BAIAP2: variants seen among roughly 807,000 people sequenced by gnomAD.
BAIAP2 encodes the protein BAR/IMD domain-containing adapter protein 2.
A neutral mutation model predicts 63.0 loss-of-function variants in BAIAP2; 18 were observed. That is an observed-to-expected ratio of 0.29 (90% CI 0.20 to 0.42). The LOEUF is 0.42. Ranked by LOEUF, BAIAP2 falls within the 10% of genes least tolerant of loss-of-function variation. The pLI is 1.00. For missense variants in BAIAP2, 610 were observed against 734.3 expected, an observed-to-expected ratio of 0.83 and a Z score of 1.96; for synonymous variants, 386 against 307.6, an observed-to-expected ratio of 1.25 and a Z score of -2.67.
rs141445738 is a variant in BAIAP2, at chr17:81,100,062, C to T, written c.624C>T (p.Ser208=). 261 of 1,611,188 alleles carry T rather than the reference C, an allele frequency of 1.6e-4. 1 individual carries two copies. In the African/African-American group the frequency reaches 2.6e-3, roughly 16 times the overall value. The change falls in exon 7 of 14, where the codon TCC becomes TCT. Residue 208 remains serine, a synonymous_variant. Coordinates refer to ENST00000428708, the MANE Select transcript of BAIAP2 (RefSeq NM_001144888.2). ...VEKQCAVAKN[S]AAYHSKGKEL... Reference sequence around the variant, plus strand: ...AGCAGTGCGCCGTGGCCAAGAACTCCGCGGCCTACCACTCCAAGGTGAGGC... The same window carrying T: ...AGCAGTGCGCCGTGGCCAAGAACTCTGCGGCCTACCACTCCAAGGTGAGGC...
intron 7 of BAIAP2, among the ~76,000 whole-genome samples, chr17:81,103,152 CTTCCTGG>C (rs2058716890): frequency 6.6e-6 from 1 of 152,224 alleles, no homozygotes; most frequent in Non-Finnish European, 1.5e-5. Flanking sequence ...TCTGGGGCGC[CTTCCTGG>C]CACTTTGGGG....
intron 3 of BAIAP2, among the ~76,000 whole-genome samples, chr17:81,064,105 T>A (rs1310567388): frequency 6.6e-6 from 1 of 152,262 alleles, no homozygotes; most frequent in Non-Finnish European, 1.5e-5. Context: ...GGGCCAGGGT[T>A]GCCAGGCAAG....
rs543994515 is a variant in BAIAP2 at position 81,062,730 on chromosome 17, G to A, written c.217+4763G>A. The stretch of plus-strand genomic sequence containing the variant: ...CGGTTAGGTTTCTGAGTGGGTGAAC[G>A]GGGAATGTGTTTGAGCCAGTACGTG... On this transcript the variant is annotated intron_variant, in intron 3 of 13. Coordinates refer to ENST00000428708, the MANE Select transcript of BAIAP2 (RefSeq NM_001144888.2). Among the ~76,000 whole-genome samples, 8 of 151,460 alleles carry A rather than the reference G, an allele frequency of 5.3e-5. 1 individual carries two copies. In the East Asian group the frequency reaches 7.8e-4, roughly 15 times the overall value.
rs567151416 is a variant in BAIAP2, at chr17:81,082,463, A to G, written c.218-2369A>G. Among the ~76,000 whole-genome samples the G allele has an allele frequency of 2.6e-5, 4 of 152,234 alleles. No individual in the cohort carries two copies. In the South Asian group the frequency reaches 8.3e-4, roughly 32 times the overall value. ...CCAGGCAGCCCTTCCGTATCTTCCC[A>G]GAAAGGGAAGCCAAGCCCGGGGCTC... On this transcript the variant is annotated intron_variant, in intron 3 of 13. Coordinates refer to ENST00000428708, the MANE Select transcript of BAIAP2 (RefSeq NM_001144888.2).
chr17:81,068,649 G>T (rs531719970), intron 3 of BAIAP2, among the ~76,000 whole-genome samples: 3 of 152,190 alleles, frequency 2.0e-5, no homozygotes, highest in Non-Finnish European at 4.4e-5. Context: ...TGTGTCCCCT[G>T]TCCCCGCTTC....
In BAIAP2 at chr17:81,114,306, C is replaced by T. The variant is rs183936614; in HGVS notation, c.1536-1464C>T. 5.8e-3 allele frequency among the ~76,000 whole-genome samples: 886 copies of T among 152,124 alleles called. 9 individuals are homozygous for T. The highest frequency in any genetic ancestry group is 0.041 in the South Asian group (196 of 4,816). On this transcript the variant is annotated intron_variant, in intron 13 of 13. Coordinates refer to ENST00000428708, the MANE Select transcript of BAIAP2 (RefSeq NM_001144888.2). The stretch of plus-strand genomic sequence containing the variant: ...TTTCTAATCTCCCCAGAGCTCCCTC[C>T]GGACCCTGGGCCTGCGGAGGAACTC...
At position 81,085,698 on chromosome 17, in the gene BAIAP2, G is replaced by A. The variant is rs780314227; in HGVS notation, c.324G>A (p.Lys108=). 3 of 1,613,844 alleles carry A rather than the reference G, an allele frequency of 1.9e-6. No homozygotes were observed. The highest frequency in any genetic ancestry group is 3.3e-5 in the Admixed American group (2 of 60,032). ...HNELLTQLEQ[K]VELDSRYLSA... ...AGCTGCTTACGCAGCTGGAGCAGAA[G>A]GTGGAGCTGGACTCCAGGTATCTGA... The change falls in exon 5 of 14, where the codon AAG becomes AAA. Residue 108 remains lysine (K), a synonymous_variant. Transcript: ENST00000428708.
At chr17:81,085,968 G>A (rs116388935) in intron 5 of BAIAP2, among the ~76,000 whole-genome samples, 1 of 152,244 alleles carries the variant, frequency 6.6e-6, no homozygotes, top group Admixed American at 6.5e-5. Flanking sequence ...CCCGGCTTTG[G>A]CCACTTGCGG....
intron 3 of BAIAP2, among the ~76,000 whole-genome samples, chr17:81,071,111 T>TTG (rs1555665361): frequency 6.6e-6 from 1 of 150,750 alleles, no homozygotes; most frequent in Non-Finnish European, 1.5e-5. Flanking sequence ...TTTTTTTTTT[T>TTG]CCCCCATTGG....
intron 3 of BAIAP2, among the ~76,000 whole-genome samples, chr17:81,072,782 A>T (rs1475387788): frequency 6.6e-6 from 1 of 151,756 alleles, no homozygotes; most frequent in Non-Finnish European, 1.5e-5. Flanking sequence ...AGGTGGGTGT[A>T]TGAGAAGGGG....
intron 6 of BAIAP2, among the ~76,000 whole-genome samples, chr17:81,093,241 C>T (rs554460371): frequency 6.6e-5 from 10 of 152,256 alleles, no homozygotes; most frequent in East Asian, 3.9e-4. Flanking sequence ...TGCTCAGAAT[C>T]GCACTGGGCA....
intron 6 of BAIAP2, among the ~76,000 whole-genome samples, chr17:81,091,186 G>GCCCCC (rs373914723): frequency 5.4e-5 from 6 of 111,914 alleles, no homozygotes; most frequent in South Asian, 6.6e-4. Flanking sequence ...CATTTATGTG[G>GCCCCC]CCCCACCCCA....
chr17:81,092,620 G>A (rs1163383995), intron 6 of BAIAP2, among the ~76,000 whole-genome samples: 1 of 152,232 alleles, frequency 6.6e-6, no homozygotes, highest in Non-Finnish European at 1.5e-5. Flanking sequence ...TCAGGGCACT[G>A]GGGCTAGGAA....
chr17:81,111,520 C>T (rs1418132647), intron 13 of BAIAP2, among the ~76,000 whole-genome samples: 1 of 152,240 alleles, frequency 6.6e-6, no homozygotes, highest in East Asian at 1.9e-4. Flanking sequence ...AGCCCCACAA[C>T]GTGGACCCAA....
chr17:81,037,552 C>A (rs991456871), intron 1 of BAIAP2, among the ~76,000 whole-genome samples: 1 of 152,344 alleles, frequency 6.6e-6, no homozygotes, highest in African/African-American at 2.4e-5. Flanking sequence ...GTCAGGAGAC[C>A]GCTGAGGCCA....
intron 13 of BAIAP2, chr17:81,109,154 A>G: frequency 7.0e-7 from 1 of 1,436,574 alleles, no homozygotes; most frequent in Non-Finnish European, 9.1e-7. Context: ...AGACTCTGTG[A>G]TCCCCCAGGG....
chr17:81,099,838 C>A, intron 6 of BAIAP2, 90 bp from the exon 7 acceptor site: 1 of 1,441,066 alleles, frequency 6.9e-7, no homozygotes, highest in Non-Finnish European at 9.5e-7. Context: ...TGAGACGTGT[C>A]CTTTGACTGA....
chr17:81,057,969 T>TGGGGGGGGGGGGGGGGGGGG lies in BAIAP2; in HGVS notation c.217+3_217+4insGGGGGGGGGGGGGGGGGGGG. 3 of 964,856 alleles carry TGGGGGGGGGGGGGGGGGGGG rather than the reference T, an allele frequency of 3.1e-6. No homozygotes were observed. The highest frequency in any genetic ancestry group is 4.2e-6 in the Non-Finnish European group (3 of 713,582). 59.8% of individuals were successfully genotyped at this position (964,856 alleles called of 1,614,324 possible). ...AGAGCCAGGGCTCCAAAGAACTCGG[T>TGGGGGGGGGGGGGGGGGGGG]GAGACCCCCCCCCCCCCCCCGCCTG... is the stretch of plus-strand genomic sequence containing the variant. On this transcript the variant is annotated splice_region_variant and intron_variant, in intron 3 of 13. Coordinates refer to ENST00000428708, the MANE Select transcript of BAIAP2 (RefSeq NM_001144888.2).
rs984391599 is a variant in BAIAP2, at chr17:81,109,552, G to T, written c.1535+1043G>T. On this transcript the variant is annotated intron_variant, in intron 13 of 13. Transcript: ENST00000428708. ...GGTGCTGGGGTCCCTGGCCGCCCCG[G>T]CCCCTGTGGAGGGGTGCACAGAGAA... 3.0e-6 allele frequency: 3 copies of T among 985,238 alleles called. No individual in the cohort carries two copies. In the African/African-American group the frequency reaches 5.2e-5, roughly 17 times the overall value. 61.0% of individuals were successfully genotyped at this position (985,238 alleles called of 1,614,324 possible). A position where few individuals can be genotyped will look rare whatever the true frequency, so the allele number is the denominator to read the frequency against.
Sources: allele counts gnomAD v4.1 joint callset (sites outside exome capture counted in the v4.1 genomes callset), GRCh38; gene constraint gnomAD v4.1.1; transcripts MANE v1.5; gene names NCBI Gene and HGNC (gene_info 2026-07-23, HGNC 2026-07-21).